The following LHX9 variants were observed in gnomAD, a reference collection of about 807,000 sequenced individuals.
LHX9 encodes the protein LIM homeobox 9, also known as LIM/homeobox protein Lhx9.
In LHX9, 9 loss-of-function variants were observed where a neutral mutation model predicts 36.5. The ratio of observed to expected loss-of-function variants is 0.25; its 90% CI spans 0.15 to 0.43. The LOEUF is 0.43. Among genes scored for constraint, LHX9 ranks in the 20% least tolerant of loss-of-function variants. The probability of loss-of-function intolerance (pLI) is 1.00; values close to 1 mark genes in which losing one functional copy is unlikely to be tolerated. For synonymous variants in LHX9, 211 were observed against 212.1 expected, an observed-to-expected ratio of 0.99 and a Z score of 0.04; for missense variants, 464 against 526.4, an observed-to-expected ratio of 0.88 and a Z score of 1.16.
intron 3 of LHX9, among the ~76,000 whole-genome samples, chr1:197,926,274 CT>C (rs5779894): frequency 0.21 from 32,088 of 152,024 alleles, 3,634 homozygotes; most frequent in South Asian, 0.34. Flanking sequence ...GGATGCCTCC[CT>C]TTTTTAAGAT....
upstream of LHX9, chr1:197,916,508 A>G (rs1166459269): frequency 1.7e-6 from 1 of 600,246 alleles, no homozygotes; most frequent in Non-Finnish European, 3.0e-6. Flanking sequence ...GCAAGCTTCA[A>G]ATGAGACATT....
rs1660420108 is a variant in LHX9 at position 197,935,126 on chromosome 1, C to A, written c.*5867C>A. ...AATATGATAATGTCATCTAACATCACTCCCTACTTGCAACATTCCTCTGTG... is the reference window on the plus strand; with the variant it reads ...AATATGATAATGTCATCTAACATCAATCCCTACTTGCAACATTCCTCTGTG... On this transcript the variant is annotated 3_prime_UTR_variant, in exon 5 of 5. Transcript: ENST00000367387. 1 of 152,148 alleles carries A rather than the reference C, an allele frequency of 6.6e-6. No homozygotes were observed. The highest frequency in any genetic ancestry group is 2.1e-4 in the South Asian group (1 of 4,826). The allele number at this position is 152,148 out of a possible 1,614,324, so 9.4% of individuals were successfully genotyped here. A position where few individuals can be genotyped will look rare whatever the true frequency, so the allele number is the denominator to read the frequency against.
At chr1:197,912,917 T>C (rs565036268), upstream of LHX9, 109 of 306,004 alleles carry the variant, frequency 3.6e-4, no homozygotes, top group African/African-American at 2.2e-3. Flanking sequence ...GTCTCTTTCT[T>C]GGAAGGGATG....
At position 197,932,939 on chromosome 1, in the gene LHX9, T is replaced by C. The variant is rs924877496; in HGVS notation, c.*3680T>C. The C allele has an allele frequency of 1.3e-5, 2 of 152,004 alleles. No individual in the cohort carries two copies. The highest frequency in any genetic ancestry group is 2.9e-5 in the Non-Finnish European group (2 of 67,926). The allele number at this position is 152,004 out of a possible 1,614,324, so 9.4% of individuals were successfully genotyped here. On this transcript the variant is annotated 3_prime_UTR_variant, in exon 5 of 5. Transcript: ENST00000367387. ...GTGAGTTTACATGTTTGCTATGCAA[T>C]GAACAAATTTATTGATGTATACAAA... is the stretch of plus-strand genomic sequence containing the variant.
Position 197,928,585 on chromosome 1 carries a change from A to C in LHX9, c.937-417A>C, listed in dbSNP as rs116396834. ...AGTCTGTTTCAGTGATGTCCATTTC[A>C]TATGAGTGATTCTTACTTTGCCATA... On this transcript the variant is annotated intron_variant, in intron 4 of 4. Transcript: ENST00000367387. 3.2e-3 allele frequency among the ~76,000 whole-genome samples: 480 copies of C among 152,332 alleles called. 3 individuals carry two copies. The highest frequency in any genetic ancestry group is 2.8e-3 in the Non-Finnish European group (191 of 68,028).
rs1217642539 is a variant in LHX9, at chr1:197,929,834, T to A, written c.*575T>A. On this transcript the variant is annotated 3_prime_UTR_variant, in exon 5 of 5. Transcript: ENST00000367387. ...AATATGATGAAATAAAAGCATTAAC[T>A]ACAGACATTTTAAATAGTAATGATT... is the stretch of plus-strand genomic sequence containing the variant. The A allele has an allele frequency of 1.1e-6, 1 of 946,408 alleles. No individual in the cohort carries two copies. The highest frequency in any genetic ancestry group is 1.8e-5 in the African/African-American group (1 of 56,444). 58.6% of individuals were successfully genotyped at this position (946,408 alleles called of 1,614,324 possible). A position where few individuals can be genotyped will look rare whatever the true frequency, so the allele number is the denominator to read the frequency against.
In LHX9 at chr1:197,927,623, C is replaced by A; in HGVS notation, c.766C>A (p.Arg256=). The change falls in exon 4 of 5, where the codon CGG becomes AGG. Residue 256 remains arginine, a synonymous_variant. Transcript: ENST00000367387. ...TGAGAATGAGGCAGACCACTTGGAC[C>A]GGGACCAGCAGCCTTATCCACCCTC... ...CNENEADHLD[R]DQQPYPPSQK... is the part of the protein sequence containing the mutation. 1.2e-6 allele frequency: 2 copies of A among 1,614,126 alleles called. No homozygotes were observed. The highest frequency in any genetic ancestry group is 1.7e-6 in the Non-Finnish European group (2 of 1,180,006).
upstream of LHX9, chr1:197,916,527 C>T (rs1000188878): frequency 1.3e-5 from 8 of 611,282 alleles, no homozygotes; most frequent in Middle Eastern, 4.2e-4. Context: ...TTAGAATCTC[C>T]GGCAACCTTC....
In LHX9 at chr1:197,921,261, G is replaced by T. The variant is rs756746039; in HGVS notation, c.378-43G>T. The T allele has an allele frequency of 1.9e-6, 3 of 1,554,540 alleles. No homozygotes were observed. The highest frequency in any genetic ancestry group is 2.6e-6 in the Non-Finnish European group (3 of 1,142,714). ...GGTGTCGCGGGTGGGATATGGCTCT[G>T]CCTTGCTTCAACTAGCGCCCTGACT... is the stretch of plus-strand genomic sequence containing the variant. On this transcript the variant is annotated intron_variant, in intron 2 of 4. Transcript: ENST00000367387. This position sits in a 1 kb window ranked among gnomAD's most constrained non-coding sequence, Gnocchi z 4.6.
chr1:197,917,884 C>A lies in LHX9; in HGVS notation c.61C>A (p.Leu21Ile), dbSNP rs1659824171. 1.2e-6 allele frequency: 2 copies of A among 1,614,248 alleles called. No individual in the cohort carries two copies. The highest frequency in any genetic ancestry group is 8.5e-7 in the Non-Finnish European group (1 of 1,180,046). Reference protein sequence around the residue: ...NSCPFRPPAMLFHGISGGHIQ... With the variant: ...NSCPFRPPAMIFHGISGGHIQ... ...GTGTCCTTTCCGCCCCCCAGCCATG[C>A]TCTTTCACGGGATCTCCGGAGGCCA... The change falls in exon 1 of 5, where the codon CTC becomes ATC. Residue 21 changes from leucine to isoleucine, a missense_variant. Transcript: ENST00000367387.
At chr1:197,917,110 GT>G, upstream of LHX9, 2 of 189,986 alleles carry the variant, frequency 1.1e-5, no homozygotes, top group Non-Finnish European at 1.9e-5. Context: ...GTGTGTGTGT[GT>G]GTGTGCGCGC....
At chr1:197,915,586 A>AT (rs1197372492), upstream of LHX9, among the ~76,000 whole-genome samples, 2 of 152,184 alleles carry the variant, frequency 1.3e-5, no homozygotes, top group Non-Finnish European at 2.9e-5. Flanking sequence ...GATTGGCTTC[A>AT]TTTTTGTGTG....
Position 197,934,382 on chromosome 1 carries a change from T to C in LHX9, c.*5123T>C, listed in dbSNP as rs1660401427. The C allele has an allele frequency of 6.6e-6, 1 of 152,166 alleles. No homozygotes were observed. Among genetic ancestry groups the C allele is most frequent in the Non-Finnish European group, 1.5e-5 (1 of 68,034 alleles). The allele number at this position is 152,166 out of a possible 1,614,324, so 9.4% of individuals were successfully genotyped here. Reference sequence around the variant, plus strand: ...GAATGGAAATTTGGAATCGTGTCATTCTAGGCTCTTAAAGAGAATATTAGG... The same window carrying C: ...GAATGGAAATTTGGAATCGTGTCATCCTAGGCTCTTAAAGAGAATATTAGG... On this transcript the variant is annotated 3_prime_UTR_variant, in exon 5 of 5. Transcript: ENST00000367387.
rs1015903493 is a variant in LHX9, at chr1:197,933,492, A to C, written c.*4233A>C. The C allele has an allele frequency of 1.3e-5, 2 of 152,146 alleles. No homozygotes were observed. The highest frequency in any genetic ancestry group is 4.8e-5 in the African/African-American group (2 of 41,424). 9.4% of individuals were successfully genotyped at this position (152,146 alleles called of 1,614,324 possible). ...CTCATCCACAGCTATAGCAACTTAA[A>C]TAGATTTTCCAATGCATTTCCAGCC... is the stretch of plus-strand genomic sequence containing the variant. On this transcript the variant is annotated 3_prime_UTR_variant, in exon 5 of 5. Transcript: ENST00000367387.
chr1:197,928,914 GAAAA>G, intron 4 of LHX9, 84 bp from the exon 5 acceptor site: 1 of 1,289,714 alleles, frequency 7.8e-7, no homozygotes, highest in African/African-American at 1.6e-5. Flanking sequence ...AAGAAAGAAA[GAAAA>G]AGAAAAAAAG....
chr1:197,921,931 T>C lies in LHX9; in HGVS notation c.733+272T>C, dbSNP rs748147604. Among the ~76,000 whole-genome samples the C allele has an allele frequency of 2.6e-5, 4 of 152,152 alleles. No homozygotes were observed. Among genetic ancestry groups the C allele is most frequent in the Non-Finnish European group, 5.9e-5 (4 of 68,038 alleles). ...CCCCAAACAGGCAGAGCCAAATCCT[T>C]GTTGCCCATTAGTTAATGAGCCCAT... On this transcript the variant is annotated intron_variant, in intron 3 of 4. Transcript: ENST00000367387. This position sits in a 1 kb window ranked among gnomAD's most constrained non-coding sequence, Gnocchi z 4.6.
In LHX9 at chr1:197,921,257, C is replaced by T. The variant is rs16842120; in HGVS notation, c.378-47C>T. 6.2e-3 allele frequency: 9,559 copies of T among 1,537,254 alleles called. 506 individuals are homozygous for T. The African/African-American group carries it at 0.11, about 18-fold the overall frequency. The stretch of plus-strand genomic sequence containing the variant: ...CCCAGGTGTCGCGGGTGGGATATGG[C>T]TCTGCCTTGCTTCAACTAGCGCCCT... On this transcript the variant is annotated intron_variant, in intron 2 of 4. Coordinates refer to ENST00000367387, the MANE Select transcript of LHX9 (RefSeq NM_020204.3). This position sits in a 1 kb window ranked among gnomAD's most constrained non-coding sequence, Gnocchi z 4.6.
In LHX9 at chr1:197,921,231, A is replaced by G; in HGVS notation, c.378-73A>G. The G allele has an allele frequency of 7.5e-7, 1 of 1,330,576 alleles. No homozygotes were observed. The highest frequency in any genetic ancestry group is 1.0e-6 in the Non-Finnish European group (1 of 958,886). The allele number at this position is 1,330,576 out of a possible 1,614,324, so 82.4% of individuals were successfully genotyped here. A position where few individuals can be genotyped will look rare whatever the true frequency, so the allele number is the denominator to read the frequency against. On this transcript the variant is annotated intron_variant, in intron 2 of 4. Coordinates refer to ENST00000367387, the MANE Select transcript of LHX9 (RefSeq NM_020204.3). The surrounding 1 kb of genome is among the most constrained non-coding windows in gnomAD (Gnocchi z 4.6). ...CCAGTCTCAGGCCACTGCAGACCAAACCCAGGTGTCGCGGGTGGGATATGG... is the reference window on the plus strand; with the variant it reads ...CCAGTCTCAGGCCACTGCAGACCAAGCCCAGGTGTCGCGGGTGGGATATGG...
At chr1:197,928,693 T>C (rs1660221340) in intron 4 of LHX9, among the ~76,000 whole-genome samples, 1 of 152,078 alleles carries the variant, frequency 6.6e-6, no homozygotes, top group Non-Finnish European at 1.5e-5. Context: ...TATCACCATG[T>C]GTTCATTTCC....
Sources: allele counts gnomAD v4.1 joint callset (sites outside exome capture counted in the v4.1 genomes callset), GRCh38; gene constraint gnomAD v4.1.1; non-coding constraint Gnocchi (gnomAD v3.1); transcripts MANE v1.5; gene names NCBI Gene and HGNC (gene_info 2026-07-23, HGNC 2026-07-21).